Variants in CDH13 observed in about 807,000 individuals in gnomAD.
CDH13 encodes cadherin-13.
CDH13 carries 24 observed loss-of-function variants against 63.8 expected under a neutral mutation model. The ratio of observed to expected loss-of-function variants is 0.38; its 90% CI spans 0.27 to 0.53. The LOEUF (loss-of-function observed/expected upper bound fraction) is 0.53. CDH13 is among the 20% of genes least tolerant of loss of function. The pLI, the probability that CDH13 is intolerant of heterozygous loss-of-function variation, is 0.85. For synonymous variants in CDH13, 503 were observed against 355.3 expected (o/e 1.42, Z -4.67); for missense variants, 1,049 against 903.1 (o/e 1.16, Z -2.07).
At chr16:83,111,373 G>C (rs2035050710) in intron 3 of CDH13, among the ~76,000 whole-genome samples, 1 of 152,112 alleles carries the variant, frequency 6.6e-6, no homozygotes, top group African/African-American at 2.4e-5. Context: ...AGAGAGTCAG[G>C]GAAGACTTCC....
At chr16:82,667,583 C>G (rs1912744232) in intron 1 of CDH13, among the ~76,000 whole-genome samples, 2 of 152,122 alleles carry the variant, frequency 1.3e-5, no homozygotes, top group African/African-American at 4.8e-5. Flanking sequence ...CGGAGAGGCT[C>G]TCAGTTCAGA....
chr16:83,662,592 AGC>A (rs1913538232), intron 8 of CDH13, among the ~76,000 whole-genome samples: 1 of 152,204 alleles, frequency 6.6e-6, no homozygotes, highest in Non-Finnish European at 1.5e-5. Flanking sequence ...GGATCTCTAA[AGC>A]CTGAAGACAG....
intron 2 of CDH13, among the ~76,000 whole-genome samples, chr16:83,030,747 C>G (rs1201596847): frequency 6.6e-6 from 1 of 150,416 alleles, no homozygotes; most frequent in Non-Finnish European, 1.5e-5. Flanking sequence ...GATCTTGACT[C>G]TCTCCACACA....
In CDH13 at chr16:83,079,409, C is replaced by G. The variant is rs9940141; in HGVS notation, c.367-45976C>G. 1.1e-3 allele frequency among the ~76,000 whole-genome samples: 167 copies of G among 152,214 alleles called. 2 individuals carry two copies. The highest frequency in any genetic ancestry group is 3.8e-3 in the African/African-American group (157 of 41,528). ...ACTGTGATGCATACTGGATGTGGAACTGAAGCAAGGGACAATTTATCTGAG... is the reference window on the plus strand; with the variant it reads ...ACTGTGATGCATACTGGATGTGGAAGTGAAGCAAGGGACAATTTATCTGAG... On this transcript the variant is annotated intron_variant, in intron 3 of 13. Coordinates refer to ENST00000567109, the MANE Select transcript of CDH13 (RefSeq NM_001257.5).
intron 2 of CDH13, among the ~76,000 whole-genome samples, chr16:83,020,811 A>G (rs779702672): frequency 6.6e-6 from 1 of 152,192 alleles, no homozygotes; most frequent in Non-Finnish European, 1.5e-5. Flanking sequence ...GTAACTGGGA[A>G]ATCACGAGAC....
intron 7 of CDH13, among the ~76,000 whole-genome samples, chr16:83,584,282 T>A (rs1905928702): frequency 6.6e-6 from 1 of 152,154 alleles, no homozygotes; most frequent in African/African-American, 2.4e-5. Flanking sequence ...TGAGCTGAGA[T>A]CGTGCCACTG....
At chr16:83,515,966 C>A (rs1193593162) in intron 7 of CDH13, among the ~76,000 whole-genome samples, 1 of 152,032 alleles carries the variant, frequency 6.6e-6, no homozygotes, top group Non-Finnish European at 1.5e-5. Context: ...ATCTTGTTAT[C>A]CATGTTCTTT....
At chr16:83,774,811 G>A (rs745380921) in intron 11 of CDH13, among the ~76,000 whole-genome samples, 14 of 152,200 alleles carry the variant, frequency 9.2e-5, no homozygotes, top group Non-Finnish European at 1.5e-4. Flanking sequence ...GTGTTTAATG[G>A]GTCAGAGTTT....
At chr16:83,141,307 T>C (rs1404683478) in intron 4 of CDH13, among the ~76,000 whole-genome samples, 1 of 152,204 alleles carries the variant, frequency 6.6e-6, no homozygotes, top group African/African-American at 2.4e-5. Flanking sequence ...ACACCCAGTA[T>C]TCTGAGCCTT....
chr16:83,335,817 C>G (rs2090581857), intron 5 of CDH13, among the ~76,000 whole-genome samples: 1 of 152,150 alleles, frequency 6.6e-6, no homozygotes, highest in African/African-American at 2.4e-5. Flanking sequence ...TCACGACCCT[C>G]TCACGTGCAC....
At chr16:83,027,102 A>ACCCC (rs79185242) in intron 2 of CDH13, among the ~76,000 whole-genome samples, 2 of 100,900 alleles carry the variant, frequency 2.0e-5, no homozygotes, top group African/African-American at 4.1e-5. Flanking sequence ...CAGAAGGGAG[A>ACCCC]CCCCCCCCCC....
intron 5 of CDH13, among the ~76,000 whole-genome samples, chr16:83,342,843 G>GTTTTTTTTTTTTTTTTTTTTTTTTTTT (rs778316746): frequency 6.1e-5 from 4 of 65,316 alleles, no homozygotes; most frequent in Non-Finnish European, 7.9e-5. Flanking sequence ...TTTTGTTTCT[G>GTTTTTTTTTTTTTTTTTTTTTTTTTTT]TTTTTTTTTT....
At chr16:82,931,865 T>G (rs916805498) in intron 2 of CDH13, among the ~76,000 whole-genome samples, 2 of 152,136 alleles carry the variant, frequency 1.3e-5, no homozygotes, top group African/African-American at 4.8e-5. Flanking sequence ...GTGGGAATTA[T>G]GGGAGCTACA....
chr16:83,328,966 G>C (rs1318927713), intron 5 of CDH13, among the ~76,000 whole-genome samples: 3 of 152,190 alleles, frequency 2.0e-5, no homozygotes, highest in Admixed American at 1.3e-4. Flanking sequence ...AAGCAAGTTT[G>C]TCAAACCTAT....
chr16:83,612,094 T>C (rs1284841721), intron 8 of CDH13, among the ~76,000 whole-genome samples: 1 of 152,130 alleles, frequency 6.6e-6, no homozygotes, highest in Non-Finnish European at 1.5e-5. Flanking sequence ...ATTGTATCAG[T>C]TACTGAAAGA....
At chr16:83,351,001 A>G (rs550614393) in intron 6 of CDH13, among the ~76,000 whole-genome samples, 1 of 152,306 alleles carries the variant, frequency 6.6e-6, no homozygotes, top group East Asian at 1.9e-4. Context: ...CTATTTTCCA[A>G]AACAGCTTGA....
intron 2 of CDH13, among the ~76,000 whole-genome samples, chr16:83,026,295 C>T (rs1345168485): frequency 6.6e-6 from 1 of 152,188 alleles, no homozygotes. Flanking sequence ...AGAGCTTGGG[C>T]TGTAGAGGCA....
chr16:83,632,281 TGAA>T (rs1452248107), intron 8 of CDH13, among the ~76,000 whole-genome samples: 6 of 3,224 alleles, frequency 1.9e-3, no homozygotes, highest in South Asian at 0.019. Context: ...TGTCCTACAG[TGAA>T]ATTAGAGATG....
intron 6 of CDH13, among the ~76,000 whole-genome samples, chr16:83,471,576 T>C (rs1284498825): frequency 6.6e-6 from 1 of 152,190 alleles, no homozygotes; most frequent in Admixed American, 6.5e-5. Context: ...GCCTGGCCTT[T>C]CTAACCACAC....
Sources: allele counts gnomAD v4.1 joint callset (sites outside exome capture counted in the v4.1 genomes callset), GRCh38; gene constraint gnomAD v4.1.1; transcripts MANE v1.5; gene names NCBI Gene and HGNC (gene_info 2026-07-23, HGNC 2026-07-21).